The following FTCDNL1 variants were observed in gnomAD, a reference collection of about 807,000 sequenced individuals.
The protein encoded by FTCDNL1 is formiminotransferase N-terminal subdomain-containing protein.
In FTCDNL1, 11 loss-of-function variants were observed where a neutral mutation model predicts 5.9. The observed-to-expected ratio is 1.87, with a 90% CI of 1.18 to 3.10. The LOEUF (loss-of-function observed/expected upper bound fraction) is 3.10, where lower values mean the gene tolerates loss of function less well. Ranked by LOEUF, FTCDNL1 falls within the 30% of genes most tolerant of loss-of-function variation. The probability of loss-of-function intolerance (pLI) is 0.00; values close to 1 mark genes in which losing one functional copy is unlikely to be tolerated. For synonymous variants in FTCDNL1, 58 were observed against 24.8 expected (o/e 2.34, Z -3.99); for missense variants, 115 against 65.5 (o/e 1.76, Z -2.61).
chr2:199,795,917 C>T (rs1700149136), intron 3 of FTCDNL1, among the ~76,000 whole-genome samples: 1 of 152,024 alleles, frequency 6.6e-6, no homozygotes, highest in South Asian at 2.1e-4. Flanking sequence ...TAGGTAAAAG[C>T]ACTATGTCTA....
the FTCDNL1 span, among the ~76,000 whole-genome samples, chr2:199,689,066 T>C: frequency 1.3e-5 from 2 of 152,216 alleles, no homozygotes; most frequent in Admixed American, 1.3e-4. Context: ...ATGGAAATAA[T>C]ATAAATGTTC....
intron 3 of FTCDNL1, among the ~76,000 whole-genome samples, chr2:199,788,414 G>C (rs1369149821): frequency 6.6e-6 from 1 of 152,088 alleles, no homozygotes; most frequent in Non-Finnish European, 1.5e-5. Flanking sequence ...AATAATAAAA[G>C]GGTCGCCAAA....
At chr2:199,794,306 GT>G (rs1311799540) in intron 3 of FTCDNL1, among the ~76,000 whole-genome samples, 4 of 152,140 alleles carry the variant, frequency 2.6e-5, no homozygotes, top group African/African-American at 9.7e-5. Context: ...CTACACAAAA[GT>G]TTAAAAATAT....
chr2:199,696,043 C>T, the FTCDNL1 span, among the ~76,000 whole-genome samples: 40 of 152,200 alleles, frequency 2.6e-4, no homozygotes, highest in African/African-American at 9.2e-4. Context: ...GCAGCCATTG[C>T]CACAGCTCCT....
the FTCDNL1 span, among the ~76,000 whole-genome samples, chr2:199,699,366 C>T: frequency 1.4e-4 from 21 of 152,012 alleles, no homozygotes; most frequent in African/African-American, 4.6e-4. Context: ...ACCTGGGGGG[C>T]TCACCTATGC....
intron 3 of FTCDNL1, among the ~76,000 whole-genome samples, chr2:199,761,172 T>C (rs891009415): frequency 1.3e-5 from 2 of 152,250 alleles, no homozygotes; most frequent in Admixed American, 1.3e-4. Flanking sequence ...TATCCATGAA[T>C]ATTCTGGTGT....
At chr2:199,701,874 A>C in the FTCDNL1 span, among the ~76,000 whole-genome samples, 1 of 152,062 alleles carries the variant, frequency 6.6e-6, no homozygotes, top group Non-Finnish European at 1.5e-5. Flanking sequence ...GTCTCTACTA[A>C]AAATACAAAA....
chr2:199,667,476 AAAAC>A, the FTCDNL1 span, among the ~76,000 whole-genome samples: 85 of 150,078 alleles, frequency 5.7e-4, no homozygotes, highest in South Asian at 6.8e-3. Context: ...GTCTCTACAA[AAAAC>A]AAACAAACAA....
In FTCDNL1 at chr2:199,810,317, T is replaced by G. The variant is rs766019428; in HGVS notation, c.*2388A>C. ...AAATGAATCTCAAAACCAGTCTTAA[T>G]TAGGGAAAGAGGTCACTAAAAACTA... On this transcript the variant is annotated 3_prime_UTR_variant, in exon 5 of 5. Transcript: ENST00000420128. Among the ~76,000 whole-genome samples the G allele has an allele frequency of 2.0e-5, 3 of 152,184 alleles. No homozygotes were observed. Among genetic ancestry groups the G allele is most frequent in the Non-Finnish European group, 4.4e-5 (3 of 68,040 alleles).
chr2:199,804,001 A>C (rs143189724), intron 3 of FTCDNL1, among the ~76,000 whole-genome samples: 174 of 152,338 alleles, frequency 1.1e-3, no homozygotes, highest in South Asian at 1.9e-3. Flanking sequence ...TTCTTTTCCC[A>C]TATCTTGCTA....
chr2:199,716,880 G>A, the FTCDNL1 span, among the ~76,000 whole-genome samples: 1 of 152,146 alleles, frequency 6.6e-6, no homozygotes, highest in African/African-American at 2.4e-5. Flanking sequence ...TGGTTCAAAA[G>A]AGACATAGAT....
chr2:199,765,460 C>A (rs1698467929), intron 3 of FTCDNL1, among the ~76,000 whole-genome samples: 1 of 148,484 alleles, frequency 6.7e-6, no homozygotes, highest in South Asian at 2.1e-4. Flanking sequence ...TTTACTTCAG[C>A]CTTGTAAAAG....
the FTCDNL1 span, among the ~76,000 whole-genome samples, chr2:199,692,336 T>A: frequency 6.6e-6 from 1 of 152,178 alleles, no homozygotes; most frequent in African/African-American, 2.4e-5. Flanking sequence ...ATGACTCCAC[T>A]CTCCCAATCT....
At chr2:199,826,931 T>C (rs997111521) in intron 3 of FTCDNL1, among the ~76,000 whole-genome samples, 1 of 152,206 alleles carries the variant, frequency 6.6e-6, no homozygotes, top group Non-Finnish European at 1.5e-5. Context: ...GAAGTGATGA[T>C]AGAATTAGAA....
chr2:199,750,660 A>C, the FTCDNL1 span, among the ~76,000 whole-genome samples: 53 of 152,316 alleles, frequency 3.5e-4, no homozygotes, highest in African/African-American at 1.2e-3. Context: ...GTAGAAGCCA[A>C]AGTGAATCAG....
chr2:199,692,914 T>C, the FTCDNL1 span, among the ~76,000 whole-genome samples: 1 of 152,248 alleles, frequency 6.6e-6, no homozygotes, highest in Admixed American at 6.5e-5. Context: ...AGTGCTTGTA[T>C]ACACAATAAA....
At chr2:199,814,166 T>A (rs972606083) in intron 4 of FTCDNL1, among the ~76,000 whole-genome samples, 1 of 152,116 alleles carries the variant, frequency 6.6e-6, no homozygotes, top group Non-Finnish European at 1.5e-5. Context: ...TATTTTAAAT[T>A]TTTTAGACCA....
At chr2:199,742,104 T>G in the FTCDNL1 span, among the ~76,000 whole-genome samples, 2 of 12,302 alleles carry the variant, frequency 1.6e-4, no homozygotes, top group Non-Finnish European at 3.6e-3. Flanking sequence ...TCTGCCTCAA[T>G]TTTTTTTTTT....
intron 3 of FTCDNL1, among the ~76,000 whole-genome samples, chr2:199,801,133 G>A (rs1267771115): frequency 3.3e-5 from 5 of 152,194 alleles, no homozygotes; most frequent in Admixed American, 2.6e-4. Context: ...GCCCTGCTTT[G>A]TGAGTCACAG....
Sources: gnomAD v4.1 joint callset for allele counts (sites outside exome capture counted in the v4.1 genomes callset) on GRCh38, gnomAD v4.1.1 for gene constraint, MANE v1.5 for transcripts, NCBI Gene and HGNC (gene_info 2026-07-23, HGNC 2026-07-21) for gene names.